Variants in KCNH5 observed in about 807,000 individuals in gnomAD.
KCNH5 encodes voltage-gated delayed rectifier potassium channel KCNH5.
Under a neutral mutation model 96.1 loss-of-function variants are expected in KCNH5, and 46 were observed. The ratio of observed to expected loss-of-function variants is 0.48; its 90% confidence interval spans 0.38 to 0.61. The LOEUF (loss-of-function observed/expected upper bound fraction) is 0.61. KCNH5 is among the 20% of genes least tolerant of loss of function. KCNH5 has a pLI of 0.00. For synonymous variants in KCNH5, 439 were observed against 449.8 expected (o/e 0.98, Z 0.30); for missense variants, 907 against 1,225.8 (o/e 0.74, Z 3.88).
intron 7 of KCNH5, among the ~76,000 whole-genome samples, chr14:62,857,669 T>A (rs1328665101): frequency 1.3e-5 from 2 of 152,180 alleles, no homozygotes; most frequent in East Asian, 3.9e-4. Context: ...AATCTTTTTA[T>A]GTTTTTCTGC....
At chr14:62,873,488 A>C (rs762496907) in intron 7 of KCNH5, among the ~76,000 whole-genome samples, 1 of 152,206 alleles carries the variant, frequency 6.6e-6, no homozygotes, top group South Asian at 2.1e-4. Context: ...GCATGTGTCA[A>C]TATATTATAC....
chr14:62,774,935 T>C (rs1245007215), intron 10 of KCNH5, among the ~76,000 whole-genome samples: 1 of 152,186 alleles, frequency 6.6e-6, no homozygotes. Flanking sequence ...TTGCTCTAAA[T>C]GCACAAAATA....
At chr14:62,758,143 C>CAA (rs57935686) in intron 10 of KCNH5, among the ~76,000 whole-genome samples, 13 of 104,100 alleles carry the variant, frequency 1.2e-4, no homozygotes, top group African/African-American at 4.0e-4. Context: ...GACTCCATCT[C>CAA]AAAAAAAAAA....
At chr14:62,880,045 T>A (rs974431979) in intron 7 of KCNH5, among the ~76,000 whole-genome samples, 2 of 152,158 alleles carry the variant, frequency 1.3e-5, no homozygotes, top group African/African-American at 4.8e-5. Context: ...TACTTTTAAT[T>A]TTTTGTATTA....
chr14:62,743,109 T>C (rs538135932), intron 10 of KCNH5, among the ~76,000 whole-genome samples: 8 of 152,130 alleles, frequency 5.3e-5, no homozygotes, highest in Non-Finnish European at 7.4e-5. Flanking sequence ...CCCCTGGAGA[T>C]TGTGTAATAT....
At chr14:62,897,545 A>G (rs1888838735) in intron 7 of KCNH5, among the ~76,000 whole-genome samples, 1 of 152,168 alleles carries the variant, frequency 6.6e-6, no homozygotes, top group Admixed American at 6.5e-5. Context: ...AAAAAACTGC[A>G]CGGATAAAGA....
chr14:62,978,713 T>G (rs2139565717), intron 6 of KCNH5, among the ~76,000 whole-genome samples: 1 of 152,040 alleles, frequency 6.6e-6, no homozygotes, highest in South Asian at 2.1e-4. Flanking sequence ...AATAAAAGTA[T>G]TACATAGTTA....
At chr14:62,875,483 C>A (rs1156502597) in intron 7 of KCNH5, among the ~76,000 whole-genome samples, 3 of 151,904 alleles carry the variant, frequency 2.0e-5, no homozygotes, top group Admixed American at 6.6e-5. Flanking sequence ...GGTACTGGTA[C>A]CAAAACAGAG....
chr14:62,836,946 G>T (rs183280717), intron 8 of KCNH5, among the ~76,000 whole-genome samples: 1 of 152,100 alleles, frequency 6.6e-6, no homozygotes, highest in African/African-American at 2.4e-5. Context: ...TGACTCTACC[G>T]TTTATTAGGT....
chr14:62,989,794 G>C (rs562244746), intron 4 of KCNH5, among the ~76,000 whole-genome samples: 3 of 152,024 alleles, frequency 2.0e-5, no homozygotes, highest in Non-Finnish European at 4.4e-5. Context: ...TTAAAAATCA[G>C]ATATAAAATA....
At position 62,925,544 on chromosome 14, in the gene KCNH5, T is replaced by C. The variant is rs114397750; in HGVS notation, c.1369+24589A>G. ...TATACTTACATATGTTATATAGGTA[T>C]ACAGATTTTGATACATACTCGTTCT... On this transcript the variant is annotated intron_variant, in intron 7 of 10. Transcript: ENST00000322893. Among the ~76,000 whole-genome samples, 1,306 of 152,178 alleles carry C rather than the reference T, an allele frequency of 8.6e-3. 34 individuals are homozygous for C. In the East Asian group the frequency reaches 0.093, roughly 11 times the overall value.
At chr14:62,840,594 C>T (rs1489938873) in intron 8 of KCNH5, among the ~76,000 whole-genome samples, 2 of 63,374 alleles carry the variant, frequency 3.2e-5, no homozygotes, top group Admixed American at 5.9e-4. Context: ...TTTTTTGAGA[C>T]GGAGTCTTGC....
At chr14:62,795,207 G>C (rs1886515526) in intron 9 of KCNH5, among the ~76,000 whole-genome samples, 1 of 152,134 alleles carries the variant, frequency 6.6e-6, no homozygotes, top group Non-Finnish European at 1.5e-5. Flanking sequence ...AGAGGGCATA[G>C]AGGAAATTGG....
At chr14:62,725,512 T>C (rs1244463606) in intron 10 of KCNH5, among the ~76,000 whole-genome samples, 1 of 152,188 alleles carries the variant, frequency 6.6e-6, no homozygotes, top group Non-Finnish European at 1.5e-5. Flanking sequence ...TGAGTATTTC[T>C]AGTTGAGGAC....
At chr14:62,870,229 A>G (rs1009942923) in intron 7 of KCNH5, among the ~76,000 whole-genome samples, 2 of 152,238 alleles carry the variant, frequency 1.3e-5, no homozygotes, top group Non-Finnish European at 2.9e-5. Flanking sequence ...TTTGACACAC[A>G]TACATGGAAA....
intron 8 of KCNH5, among the ~76,000 whole-genome samples, chr14:62,843,410 CTTT>C (rs570775868): frequency 0.094 from 10,503 of 111,502 alleles, 314 homozygotes; most frequent in East Asian, 0.25. Context: ...ATTTACATGG[CTTT>C]TTTTTTTTTT....
intron 7 of KCNH5, among the ~76,000 whole-genome samples, chr14:62,876,902 C>G (rs12589686): frequency 2.6e-5 from 4 of 152,142 alleles, no homozygotes; most frequent in African/African-American, 9.7e-5. Flanking sequence ...TCTTACTTCA[C>G]ATTATATGTA....
chr14:62,910,964 T>G (rs571908025), intron 7 of KCNH5, among the ~76,000 whole-genome samples: 90 of 150,898 alleles, frequency 6.0e-4, no homozygotes, highest in African/African-American at 2.2e-3. Flanking sequence ...TCTGTCATCC[T>G]ATACCCTACT....
At chr14:63,001,583 A>C (rs1891012321) in intron 3 of KCNH5, 124 bp from the exon 4 acceptor site, 1 of 781,588 alleles carries the variant, frequency 1.3e-6, no homozygotes, top group Non-Finnish European at 2.0e-6. Context: ...ACACCAAAAC[A>C]ACAGTATATT....
Sources: gnomAD v4.1 joint callset for allele counts (sites outside exome capture counted in the v4.1 genomes callset) on GRCh38, gnomAD v4.1.1 for gene constraint, MANE v1.5 for transcripts, NCBI Gene and HGNC (gene_info 2026-07-23, HGNC 2026-07-21) for gene names.